LSAMP: variants seen among roughly 807,000 people sequenced by gnomAD.
LSAMP encodes limbic system associated membrane protein, also known as limbic system-associated membrane protein.
LSAMP carries 7 observed loss-of-function variants against 38.6 expected under a neutral mutation model. The ratio of observed to expected loss-of-function variants is 0.18; its 90% CI spans 0.10 to 0.34. The LOEUF (loss-of-function observed/expected upper bound fraction) is 0.34. Ranked by LOEUF, LSAMP falls within the 10% of genes least tolerant of loss-of-function variation. LSAMP has a pLI of 1.00. For synonymous variants in LSAMP, 154 were observed against 166.8 expected, an observed-to-expected ratio of 0.92 and a Z score of 0.59; for missense variants, 313 against 420.0, an observed-to-expected ratio of 0.75 and a Z score of 2.23.
intron 6 of LSAMP, chr3:115,841,623 A>T: frequency 2.3e-6 from 1 of 431,266 alleles, no homozygotes; most frequent in Non-Finnish European, 4.0e-6. Flanking sequence ...AAAACAAACA[A>T]CAAGGCAGTT....
chr3:116,190,029 G>A (rs1315114647), intron 1 of LSAMP, among the ~76,000 whole-genome samples: 1 of 149,632 alleles, frequency 6.7e-6, no homozygotes, highest in Non-Finnish European at 1.5e-5. Flanking sequence ...TAAAAAATAA[G>A]TTTTTTAAAT....
Position 115,841,952 on chromosome 3 carries a change from C to T in LSAMP, c.812G>A (p.Gly271Asp). 3 of 1,613,652 alleles carry T rather than the reference C, an allele frequency of 1.9e-6. No individual in the cohort carries two copies. In the East Asian group the frequency reaches 6.7e-5, roughly 36 times the overall value. ...GTTGGTCACCGTCAGGGAAGACTGG[C>T]CCTCCGTGCTCTTAATCTCAAGGCC... ...ANGLEIKSTE[G>D]QSSLTVTNVT... is the part of the protein sequence containing the mutation. The change falls in exon 6 of 7, where the codon GGC becomes GAC. Residue 271 changes from glycine (G) to aspartate (D), a missense_variant. Gly to Asp is a moderately conservative substitution (Grantham distance 94, BLOSUM62 -1). Coordinates refer to ENST00000490035, the MANE Select transcript of LSAMP (RefSeq NM_002338.5).
At chr3:115,925,303 C>T (rs1168726115) in intron 3 of LSAMP, among the ~76,000 whole-genome samples, 2 of 152,166 alleles carry the variant, frequency 1.3e-5, no homozygotes, top group Non-Finnish European at 2.9e-5. Flanking sequence ...GTTCAGAATT[C>T]AGCTGTTAAC....
At chr3:116,077,430 A>T (rs1437726485) in intron 2 of LSAMP, among the ~76,000 whole-genome samples, 1 of 152,044 alleles carries the variant, frequency 6.6e-6, no homozygotes, top group Non-Finnish European at 1.5e-5. Context: ...TTATCTCATG[A>T]TTTTTGTCTG....
intron 3 of LSAMP, among the ~76,000 whole-genome samples, chr3:115,965,041 A>G (rs1340100631): frequency 1.3e-5 from 2 of 152,122 alleles, no homozygotes; most frequent in African/African-American, 4.8e-5. Flanking sequence ...ATTTATGTGC[A>G]TGAACAAAGA....
chr3:116,115,623 T>A (rs1303504422), intron 1 of LSAMP, among the ~76,000 whole-genome samples: 3 of 152,186 alleles, frequency 2.0e-5, no homozygotes, highest in African/African-American at 7.2e-5. Context: ...GAGATAGAAA[T>A]TATTTTATGA....
chr3:116,260,580 ATCT>A (rs1370413258), intron 1 of LSAMP, among the ~76,000 whole-genome samples: 2 of 152,150 alleles, frequency 1.3e-5, no homozygotes, highest in Non-Finnish European at 2.9e-5. Flanking sequence ...CCACGGCATA[ATCT>A]TCTAGGGCTT....
chr3:116,413,480 C>T (rs190259249), intron 1 of LSAMP, among the ~76,000 whole-genome samples: 44 of 151,992 alleles, frequency 2.9e-4, no homozygotes, highest in Non-Finnish European at 5.7e-4. Flanking sequence ...AGGCTCTCCC[C>T]GTATGTTTGT....
At chr3:116,159,546 G>A (rs760285403) in intron 1 of LSAMP, among the ~76,000 whole-genome samples, 7 of 151,984 alleles carry the variant, frequency 4.6e-5, no homozygotes, top group South Asian at 2.1e-4. Flanking sequence ...TAAAAACCAC[G>A]AGATAATATC....
At chr3:116,080,479 G>C (rs1707847970) in intron 2 of LSAMP, among the ~76,000 whole-genome samples, 1 of 152,232 alleles carries the variant, frequency 6.6e-6, no homozygotes. Context: ...TATAAAAAGG[G>C]TTTGGAGATA....
chr3:115,864,074 A>C (rs1482710176), intron 3 of LSAMP, among the ~76,000 whole-genome samples: 1 of 152,156 alleles, frequency 6.6e-6, no homozygotes, highest in Non-Finnish European at 1.5e-5. Context: ...GCTATTAAAG[A>C]ATTGTAACCA....
At chr3:116,082,635 C>A (rs974556278) in intron 2 of LSAMP, among the ~76,000 whole-genome samples, 39 of 152,066 alleles carry the variant, frequency 2.6e-4, no homozygotes, top group African/African-American at 8.9e-4. Flanking sequence ...TGGAATCAAC[C>A]TAAGTGCCTA....
At chr3:116,405,520 G>A (rs181663541) in intron 1 of LSAMP, among the ~76,000 whole-genome samples, 40 of 152,002 alleles carry the variant, frequency 2.6e-4, no homozygotes, top group Admixed American at 1.9e-3. Flanking sequence ...CTTCCAATAC[G>A]ATAAATAGTT....
At chr3:116,213,162 T>C (rs1041961435) in intron 1 of LSAMP, among the ~76,000 whole-genome samples, 1 of 152,236 alleles carries the variant, frequency 6.6e-6, no homozygotes, top group African/African-American at 2.4e-5. Context: ...AATACCCTAC[T>C]GTTTTCCATA....
At chr3:116,397,641 G>T (rs58392287) in intron 1 of LSAMP, among the ~76,000 whole-genome samples, 3,106 of 152,136 alleles carry the variant, frequency 0.02, 113 homozygotes, top group African/African-American at 0.072. Context: ...TTATTTCAAC[G>T]AATGCACAAA....
chr3:116,115,349 C>G (rs957802026), intron 1 of LSAMP, among the ~76,000 whole-genome samples: 1 of 152,158 alleles, frequency 6.6e-6, no homozygotes, highest in South Asian at 2.1e-4. Context: ...CCCTAATGAT[C>G]CCCATTTTTC....
At chr3:115,956,106 C>T (rs1445776394) in intron 3 of LSAMP, among the ~76,000 whole-genome samples, 1 of 152,052 alleles carries the variant, frequency 6.6e-6, no homozygotes, top group East Asian at 1.9e-4. Context: ...TAGAGACATA[C>T]TATTCTTTAT....
At chr3:115,891,621 A>G (rs1936602606) in intron 3 of LSAMP, among the ~76,000 whole-genome samples, 1 of 152,132 alleles carries the variant, frequency 6.6e-6, no homozygotes, top group African/African-American at 2.4e-5. Context: ...CAGAAAATGA[A>G]TAGTCTAATG....
intron 1 of LSAMP, among the ~76,000 whole-genome samples, chr3:116,328,073 C>T (rs1671257610): frequency 6.6e-6 from 1 of 152,086 alleles, no homozygotes; most frequent in African/African-American, 2.4e-5. Flanking sequence ...ATTAGTTGAG[C>T]CCCGAAGTGT....
Sources: allele counts gnomAD v4.1 joint callset (sites outside exome capture counted in the v4.1 genomes callset), GRCh38; gene constraint gnomAD v4.1.1; transcripts MANE v1.5; gene names NCBI Gene and HGNC (gene_info 2026-07-23, HGNC 2026-07-21).